The following RPL34 variants were observed in gnomAD, a reference collection of about 807,000 sequenced individuals.
The protein encoded by RPL34 is ribosomal protein L34.
In RPL34, 2 loss-of-function variants were observed where a neutral mutation model predicts 16.3. The observed-to-expected ratio is 0.12, with a 90% CI of 0.05 to 0.39. The LOEUF (loss-of-function observed/expected upper bound fraction) is 0.39. Among genes scored for constraint, RPL34 ranks in the 10% least tolerant of loss-of-function variants. The pLI is 0.99. For missense variants in RPL34, 82 were observed against 148.8 expected, an observed-to-expected ratio of 0.55 and a Z score of 2.33; for synonymous variants, 47 against 48.5, an observed-to-expected ratio of 0.97 and a Z score of 0.13.
intron 1 of RPL34, 55 bp from the exon 2 acceptor site, chr4:108,621,896 G>T: frequency 8.4e-7 from 1 of 1,187,604 alleles, no homozygotes; most frequent in South Asian, 1.2e-5. Context: ...ACTGTTTTGA[G>T]ATTTTATTTA....
At chr4:108,625,058 C>T in intron 4 of RPL34, 70 bp from the exon 5 acceptor site, 1 of 1,052,310 alleles carries the variant, frequency 9.5e-7, no homozygotes, top group Admixed American at 2.0e-5. Context: ...ACCATGTTTG[C>T]CTTCTCTGTG....
chr4:108,624,104 A>G (rs1317428777), intron 4 of RPL34, among the ~76,000 whole-genome samples: 1 of 152,180 alleles, frequency 6.6e-6, no homozygotes, highest in Non-Finnish European at 1.5e-5. Context: ...GCTGAACACA[A>G]AATCAGATGG....
chr4:108,620,707 G>A (rs1167855857), intron 1 of RPL34, 107 bp downstream of exon 1: 8 of 194,740 alleles, frequency 4.1e-5, no homozygotes, highest in South Asian at 4.0e-4. Context: ...TTGAGCTGGT[G>A]TAGGGGTAAG....
chr4:108,628,297 A>G (rs1437337152), downstream of RPL34, among the ~76,000 whole-genome samples: 1 of 152,240 alleles, frequency 6.6e-6, no homozygotes, highest in Non-Finnish European at 1.5e-5. Context: ...AGGCAGATTT[A>G]CATCACTTTC....
downstream of RPL34, among the ~76,000 whole-genome samples, chr4:108,628,791 A>G (rs1382752378): frequency 6.6e-6 from 1 of 152,168 alleles, no homozygotes; most frequent in Middle Eastern, 3.2e-3. Context: ...GGAAAAATAG[A>G]ATGATAAAAA....
chr4:108,622,327 C>A, intron 3 of RPL34, 123 bp downstream of exon 3: 1 of 859,164 alleles, frequency 1.2e-6, no homozygotes, highest in South Asian at 1.5e-5. Context: ...ACTAAACATT[C>A]ATGAGCCAAA....
intron 1 of RPL34, 40 bp from the exon 2 acceptor site, chr4:108,621,911 T>TAA (rs1560612265): frequency 1.5e-6 from 2 of 1,346,416 alleles, no homozygotes; most frequent in Non-Finnish European, 2.1e-6. Context: ...TATTTACTTT[T>TAA]ACAATGGAAA....
At chr4:108,622,078 T>C (rs1016361837) in intron 2 of RPL34, 27 bp from the exon 3 acceptor site, 1 of 1,591,926 alleles carries the variant, frequency 6.3e-7, no homozygotes, top group Non-Finnish European at 8.6e-7. Context: ...TACAAAATGC[T>C]GACCTACTGA....
intron 4 of RPL34, among the ~76,000 whole-genome samples, chr4:108,624,634 T>C (rs924253896): frequency 7.2e-5 from 11 of 152,212 alleles, no homozygotes; most frequent in African/African-American, 2.7e-4. Context: ...ACTTGTCCAG[T>C]GTGCAGCTAG....
Position 108,625,250 on chromosome 4 carries a change from C to T in RPL34, c.*38C>T, listed in dbSNP as rs116503408. The T allele has an allele frequency of 2.4e-3, 3,041 of 1,292,646 alleles. 48 individuals are homozygous for T. In the African/African-American group the frequency reaches 0.036, roughly 15 times the overall value. 80.1% of individuals were successfully genotyped at this position (1,292,646 alleles called of 1,614,324 possible). A position where few individuals can be genotyped will look rare whatever the true frequency, so the allele number is the denominator to read the frequency against. ...TTTTTGAGTAATAAAAATGAAAAGA[C>T]GCTGTATGTATGACTTTTTTTTTTT... On this transcript the variant is annotated 3_prime_UTR_variant, in exon 5 of 5. Transcript: ENST00000394667.
downstream of RPL34, chr4:108,625,419 CTTG>C (rs1396974201): frequency 8.7e-6 from 4 of 459,146 alleles, no homozygotes; most frequent in Admixed American, 3.6e-5. Context: ...GAGTTTCTCT[CTTG>C]TTGCCTAGGC....
chr4:108,629,536 ACT>A (rs1331823802), downstream of RPL34, among the ~76,000 whole-genome samples: 8 of 152,050 alleles, frequency 5.3e-5, no homozygotes, highest in African/African-American at 1.7e-4. Flanking sequence ...GGATTCTATA[ACT>A]CTTCTGGGTT....
At chr4:108,621,292 T>G (rs1314169483) in intron 1 of RPL34, 1 of 152,834 alleles carries the variant, frequency 6.5e-6, no homozygotes, top group Non-Finnish European at 1.5e-5. Flanking sequence ...TATGCATATC[T>G]GTATAACCGA....
intron 1 of RPL34, chr4:108,621,420 C>T (rs947738272): frequency 6.3e-6 from 1 of 157,922 alleles, no homozygotes; most frequent in Admixed American, 6.0e-5. Flanking sequence ...GCAGGTGGTG[C>T]TTTAGGGCAA....
At chr4:108,624,815 C>T (rs1437499854) in intron 4 of RPL34, among the ~76,000 whole-genome samples, 1 of 152,100 alleles carries the variant, frequency 6.6e-6, no homozygotes, top group East Asian at 1.9e-4. Context: ...AGACATTTTG[C>T]AAATCAAGAA....
rs780540709 is a variant in RPL34 at position 108,620,608 on chromosome 4, T to G, written c.-10+8T>G. 1.7e-5 allele frequency: 5 copies of G among 298,784 alleles called. No individual in the cohort carries two copies. Among genetic ancestry groups the G allele is most frequent in the African/African-American group, 1.1e-4 (5 of 45,626 alleles). The allele number at this position is 298,784 out of a possible 1,614,324, so 18.5% of individuals were successfully genotyped here. On this transcript the variant is annotated splice_region_variant and intron_variant, in intron 1 of 4. Transcript: ENST00000394667. ...CGGGGACGTTGTCTGCAGGTATGGA[T>G]GTTGTTCTCTTTTCCCTGTCTTTAT... is the stretch of plus-strand genomic sequence containing the variant.
At position 108,625,264 on chromosome 4, in the gene RPL34, CTTT is replaced by C. The variant is rs751324295; in HGVS notation, c.*61_*63del. 12 of 865,520 alleles carry C rather than the reference CTTT, an allele frequency of 1.4e-5. No homozygotes were observed. Among genetic ancestry groups the C allele is most frequent in the Non-Finnish European group, 1.9e-5 (11 of 584,404 alleles). The allele number at this position is 865,520 out of a possible 1,614,324, so 53.6% of individuals were successfully genotyped here. ...AAATGAAAAGACGCTGTATGTATGA[CTTT>C]TTTTTTTTCTGTTGTAATGTGTTAG... On this transcript the variant is annotated 3_prime_UTR_variant, in exon 5 of 5. Coordinates refer to ENST00000394667, the MANE Select transcript of RPL34 (RefSeq NM_001319236.2).
At chr4:108,624,314 G>A (rs1725905535) in intron 4 of RPL34, among the ~76,000 whole-genome samples, 1 of 152,140 alleles carries the variant, frequency 6.6e-6, no homozygotes, top group African/African-American at 2.4e-5. Flanking sequence ...GGGGAGATTT[G>A]AAGAAATTAG....
At chr4:108,625,861 C>A (rs6533371), downstream of RPL34, among the ~76,000 whole-genome samples, 3 of 151,902 alleles carry the variant, frequency 2.0e-5, no homozygotes, top group Non-Finnish European at 4.4e-5. Flanking sequence ...TTGATCCTTA[C>A]TATGGTATCT....
Sources: allele counts gnomAD v4.1 joint callset (sites outside exome capture counted in the v4.1 genomes callset), GRCh38; gene constraint gnomAD v4.1.1; transcripts MANE v1.5; gene names NCBI Gene and HGNC (gene_info 2026-07-23, HGNC 2026-07-21).